The following TAOK1 variants were observed in gnomAD, a reference collection of about 807,000 sequenced individuals.
TAOK1 encodes serine/threonine-protein kinase TAO1.
A neutral mutation model predicts 138.3 loss-of-function variants in TAOK1; 21 were observed. That is an observed-to-expected ratio of 0.15 (90% confidence interval 0.11 to 0.22). The LOEUF (loss-of-function observed/expected upper bound fraction) is 0.22, where lower values mean the gene tolerates loss of function less well. Ranked by LOEUF, TAOK1 falls within the 10% of genes least tolerant of loss-of-function variation. The probability of loss-of-function intolerance (pLI) is 1.00; values close to 1 mark genes in which losing one functional copy is unlikely to be tolerated. For synonymous variants in TAOK1, 361 were observed against 398.4 expected (o/e 0.91, Z 1.12); for missense variants, 651 against 1,227.7 (o/e 0.53, Z 7.02).
Position 29,546,931 on chromosome 17 carries a change from T to C in TAOK1, c.*3909T>C, listed in dbSNP as rs1852931607. ...CAGTCTTTTCCTTTTTAATCCCCTC[T>C]TAGCACTTCTGTGAGTGGAGAGGAC... On this transcript the variant is annotated 3_prime_UTR_variant, in exon 20 of 20. Transcript: ENST00000261716. 1 of 152,128 alleles carries C rather than the reference T, an allele frequency of 6.6e-6. No individual in the cohort carries two copies. Among genetic ancestry groups the C allele is most frequent in the South Asian group, 2.1e-4 (1 of 4,826 alleles). 9.4% of individuals were successfully genotyped at this position (152,128 alleles called of 1,614,324 possible). A position where few individuals can be genotyped will look rare whatever the true frequency, so the allele number is the denominator to read the frequency against.
At chr17:29,394,078 T>C (rs1350657982) in intron 1 of TAOK1, among the ~76,000 whole-genome samples, 2 of 151,520 alleles carry the variant, frequency 1.3e-5, no homozygotes, top group African/African-American at 2.4e-5. Context: ...AGCAACTCTT[T>C]AGTTACAGGA....
chr17:29,525,867 C>T (rs957849465), intron 17 of TAOK1, among the ~76,000 whole-genome samples: 6 of 152,136 alleles, frequency 3.9e-5, no homozygotes, highest in East Asian at 1.9e-4. Context: ...CATGGTGGCA[C>T]GTGCCTGTAG....
At chr17:29,467,117 A>C in intron 2 of TAOK1, 28 bp from the exon 3 acceptor site, 1 of 1,527,578 alleles carries the variant, frequency 6.5e-7, no homozygotes, top group East Asian at 2.3e-5. Flanking sequence ...TAATTTTTAC[A>C]GTGCTTCTTT....
chr17:29,464,494 G>A (rs563215238), intron 2 of TAOK1, among the ~76,000 whole-genome samples: 105 of 151,496 alleles, frequency 6.9e-4, no homozygotes, highest in African/African-American at 2.4e-3. Flanking sequence ...CCGTTCTAAT[G>A]GTTGCACATA....
chr17:29,513,662 G>C (rs982531218), intron 15 of TAOK1: 1 of 152,236 alleles, frequency 6.6e-6, no homozygotes, highest in Non-Finnish European at 1.5e-5. Context: ...ACCCAGGTAT[G>C]GCCAGGCGCG....
intron 1 of TAOK1, among the ~76,000 whole-genome samples, chr17:29,445,807 A>G (rs563287584): frequency 1.3e-4 from 20 of 152,294 alleles, no homozygotes; most frequent in African/African-American, 4.3e-4. Context: ...GAAGCCATCA[A>G]TGTCATGATG....
At chr17:29,472,633 G>A (rs903746290) in intron 3 of TAOK1, among the ~76,000 whole-genome samples, 17 of 149,828 alleles carry the variant, frequency 1.1e-4, no homozygotes, top group African/African-American at 4.2e-4. Flanking sequence ...GGGTGCAATG[G>A]CACTATCTCG....
intron 13 of TAOK1, 104 bp from the exon 14 acceptor site, chr17:29,507,792 A>G (rs1162978881): frequency 1.1e-5 from 11 of 1,042,900 alleles, no homozygotes; most frequent in Non-Finnish European, 1.2e-5. Context: ...ACATTGGGAT[A>G]TTTTACACTA....
chr17:29,464,471 G>A lies in TAOK1; in HGVS notation c.133-2674G>A, dbSNP rs185522016. On this transcript the variant is annotated intron_variant, in intron 2 of 19. Transcript: ENST00000261716. ...AAAAAAAAAAAAAGAAAAAAAAAAT[G>A]TTCTGTAATTGACCGTTCTAATGGT... Among the ~76,000 whole-genome samples, 54 of 150,614 alleles carry A rather than the reference G, an allele frequency of 3.6e-4. 2 individuals are homozygous for A. The highest frequency in any genetic ancestry group is 1.2e-3 in the African/African-American group (51 of 41,204).
chr17:29,449,203 A>G (rs1185761687), intron 1 of TAOK1, among the ~76,000 whole-genome samples: 1 of 152,180 alleles, frequency 6.6e-6, no homozygotes, highest in Non-Finnish European at 1.5e-5. Flanking sequence ...TTGAAAATTA[A>G]TACTTTATAT....
At chr17:29,526,826 A>G (rs1428424648) in intron 17 of TAOK1, among the ~76,000 whole-genome samples, 1 of 147,000 alleles carries the variant, frequency 6.8e-6, no homozygotes, top group Non-Finnish European at 1.5e-5. Context: ...TCTTAAAAAA[A>G]AAAAAAAAAA....
chr17:29,523,074 CAAAAAAAA>C (rs35989910), intron 17 of TAOK1, among the ~76,000 whole-genome samples: 1 of 110,890 alleles, frequency 9.0e-6, no homozygotes, highest in African/African-American at 3.5e-5. Context: ...GACCCTGTCT[CAAAAAAAA>C]AAAAAAAAAA....
intron 1 of TAOK1, among the ~76,000 whole-genome samples, chr17:29,413,313 T>C (rs1406737761): frequency 6.6e-6 from 1 of 152,186 alleles, no homozygotes; most frequent in East Asian, 1.9e-4. Context: ...TTAATCATTT[T>C]AGGCCGGGTA....
chr17:29,449,677 C>A (rs147909080), intron 1 of TAOK1, among the ~76,000 whole-genome samples: 1 of 151,858 alleles, frequency 6.6e-6, no homozygotes, highest in African/African-American at 2.4e-5. Flanking sequence ...CCCATCTCTA[C>A]TAAAAATACA....
At chr17:29,421,988 C>T (rs1474547022) in intron 1 of TAOK1, among the ~76,000 whole-genome samples, 1 of 151,930 alleles carries the variant, frequency 6.6e-6, no homozygotes, top group Non-Finnish European at 1.5e-5. Flanking sequence ...AGCTCCATCT[C>T]CCGGGTTCAC....
intron 1 of TAOK1, among the ~76,000 whole-genome samples, chr17:29,401,527 GA>G (rs1264622723): frequency 6.6e-6 from 1 of 152,100 alleles, no homozygotes; most frequent in East Asian, 1.9e-4. Flanking sequence ...CTATCAACTA[GA>G]ACAGCAAGGG....
intron 3 of TAOK1, among the ~76,000 whole-genome samples, chr17:29,472,698 C>T (rs2030851782): frequency 6.6e-6 from 1 of 152,036 alleles, no homozygotes; most frequent in South Asian, 2.1e-4. Flanking sequence ...CCTCAGCCTC[C>T]CAAGTAGCTG....
chr17:29,398,811 C>G (rs1006141005), intron 1 of TAOK1, among the ~76,000 whole-genome samples: 1 of 151,886 alleles, frequency 6.6e-6, no homozygotes, highest in South Asian at 2.1e-4. Flanking sequence ...GGATTACAGG[C>G]GGGCATGAGC....
intron 14 of TAOK1, among the ~76,000 whole-genome samples, chr17:29,510,022 T>C (rs1370496867): frequency 6.6e-6 from 1 of 151,814 alleles, no homozygotes; most frequent in Non-Finnish European, 1.5e-5. Flanking sequence ...TACTTAATTA[T>C]ATACATGCAA....
Sources: allele counts gnomAD v4.1 joint callset (sites outside exome capture counted in the v4.1 genomes callset), GRCh38; gene constraint gnomAD v4.1.1; transcripts MANE v1.5; gene names NCBI Gene and HGNC (gene_info 2026-07-23, HGNC 2026-07-21).